MEGF6: variants seen among roughly 807,000 people sequenced by gnomAD.
The protein encoded by MEGF6 is multiple EGF like domains 6.
In MEGF6, 184 loss-of-function variants were observed where a neutral mutation model predicts 207.1. The ratio of observed to expected loss-of-function variants is 0.89; its 90% CI spans 0.79 to 1.00. MEGF6 has a LOEUF of 1.00. Ranked by LOEUF, MEGF6 falls within the 50% of genes least tolerant of loss-of-function variation. The pLI, the probability that MEGF6 is intolerant of heterozygous loss-of-function variation, is 0.00. For synonymous variants in MEGF6, 1,038 were observed against 910.0 expected (o/e 1.14, Z -2.53); for missense variants, 2,282 against 2,202.9 (o/e 1.04, Z -0.72).
Position 3,510,837 on chromosome 1 carries a change from C to G in MEGF6, c.1180G>C (p.Glu394Gln). Residue 394 changes from glutamate to glutamine, a missense_variant, in exon 10 of 37, where the codon GAG (glutamate) becomes CAG (glutamine). By Grantham distance (29) the Glu-to-Gln change is conservative (BLOSUM62 2). Transcript: ENST00000356575. Reference protein sequence around the residue: ...QVCTNNPGGYECGCYAGYRLS... With the variant: ...QVCTNNPGGYQCGCYAGYRLS... ...CGGTAGCCGGCGTAGCAGCCGCACTCGTACCCGCCAGGGTTGTTGGTGCAC... is the reference window on the plus strand; with the variant it reads ...CGGTAGCCGGCGTAGCAGCCGCACTGGTACCCGCCAGGGTTGTTGGTGCAC... The G allele has an allele frequency of 5.6e-6, 9 of 1,611,060 alleles. No homozygotes were observed. The highest frequency in any genetic ancestry group is 6.8e-6 in the Non-Finnish European group (8 of 1,178,518).
At chr1:3,505,956 A>C in intron 15 of MEGF6, 152 bp downstream of exon 15, 1 of 1,076,618 alleles carries the variant, frequency 9.3e-7, no homozygotes, top group Non-Finnish European at 1.3e-6. Flanking sequence ...GAGTCCACAG[A>C]CTCATGGCGG....
At chr1:3,527,150 T>C (rs1641994851) in intron 4 of MEGF6, among the ~76,000 whole-genome samples, 1 of 151,828 alleles carries the variant, frequency 6.6e-6, no homozygotes, top group Non-Finnish European at 1.5e-5. Flanking sequence ...CCACCCACGG[T>C]CCCTGTGAAA....
rs373862381 is a variant in MEGF6, at chr1:3,573,433, G to A, written c.481+6392C>T. ...AAAGGTAAGCACGGGAAACAGTGCG[G>A]GGAGCCTGGAACTACAGCCCAGGAC... On this transcript the variant is annotated intron_variant, in intron 4 of 36. Coordinates refer to ENST00000356575, the MANE Select transcript of MEGF6 (RefSeq NM_001409.4). The surrounding 1 kb of genome is among the most constrained non-coding windows in gnomAD (Gnocchi z 5.1). 4.6e-5 allele frequency among the ~76,000 whole-genome samples: 7 copies of A among 152,226 alleles called. No homozygotes were observed. The highest frequency in any genetic ancestry group is 1.4e-4 in the African/African-American group (6 of 41,458).
intron 21 of MEGF6, 68 bp downstream of exon 21, chr1:3,500,565 G>T: frequency 2.0e-6 from 3 of 1,485,338 alleles, no homozygotes; most frequent in Non-Finnish European, 2.7e-6. Flanking sequence ...TTGTGTGTGT[G>T]CACGTGTGCA....
At position 3,508,583 on chromosome 1, in the gene MEGF6, G is replaced by A. The variant is rs1641206663; in HGVS notation, c.1635C>T (p.Gly545=). ...LGLDGCDCPE[G]WTGLICNETC... ...TCTCATTGCAGATGAGCCCAGTCCAGCCCTCGGGGCAATCACAGCCATCCA... is the reference window on the plus strand; with the variant it reads ...TCTCATTGCAGATGAGCCCAGTCCAACCCTCGGGGCAATCACAGCCATCCA... Residue 545 remains glycine (G), a synonymous_variant, in exon 13 of 37, where the codon GGC becomes GGT. Coordinates refer to ENST00000356575, the MANE Select transcript of MEGF6 (RefSeq NM_001409.4). The A allele has an allele frequency of 1.9e-6, 3 of 1,613,452 alleles. No homozygotes were observed. The highest frequency in any genetic ancestry group is 1.7e-6 in the Non-Finnish European group (2 of 1,179,924).
At chr1:3,597,264 G>A (rs1644083339) in intron 2 of MEGF6, among the ~76,000 whole-genome samples, 2 of 152,172 alleles carry the variant, frequency 1.3e-5, no homozygotes, top group Admixed American at 1.3e-4. Context: ...CCCAGAGCAT[G>A]GGTCACATGA....
intron 4 of MEGF6, among the ~76,000 whole-genome samples, chr1:3,526,860 G>T (rs1359217451): frequency 1.3e-5 from 2 of 152,210 alleles, no homozygotes; most frequent in African/African-American, 4.8e-5. Flanking sequence ...GGGCCCTCTG[G>T]CCAGGGTGAC....
chr1:3,491,010 C>T, intron 35 of MEGF6, 51 bp from the exon 36 acceptor site: 1 of 1,523,660 alleles, frequency 6.6e-7, no homozygotes, highest in Non-Finnish European at 8.8e-7. Flanking sequence ...CTTGAGTGAG[C>T]CACAGTAATG....
intron 4 of MEGF6, among the ~76,000 whole-genome samples, chr1:3,532,462 C>T (rs1368052525): frequency 3.3e-5 from 5 of 152,238 alleles, no homozygotes; most frequent in African/African-American, 9.6e-5. Flanking sequence ...GGGACCAGCC[C>T]AGCACCACCT....
rs1643575343 is a variant in MEGF6, at chr1:3,573,864, C to T, written c.481+5961G>A. Among the ~76,000 whole-genome samples, 1 of 152,110 alleles carries T rather than the reference C, an allele frequency of 6.6e-6. No homozygotes were observed. Among genetic ancestry groups the T allele is most frequent in the Admixed American group, 6.5e-5 (1 of 15,280 alleles). On this transcript the variant is annotated intron_variant, in intron 4 of 36. Coordinates refer to ENST00000356575, the MANE Select transcript of MEGF6 (RefSeq NM_001409.4). The surrounding 1 kb of genome is among the most constrained non-coding windows in gnomAD (Gnocchi z 5.1). Reference sequence around the variant, plus strand: ...AGCATTGAAAGGCAGTGGGGAGGGCCGCTTCCTCTCCATTAATCAATGGTC... The same window carrying T: ...AGCATTGAAAGGCAGTGGGGAGGGCTGCTTCCTCTCCATTAATCAATGGTC...
At chr1:3,596,007 T>C (rs527955557) in intron 2 of MEGF6, among the ~76,000 whole-genome samples, 68 of 152,064 alleles carry the variant, frequency 4.5e-4, no homozygotes, top group Middle Eastern at 3.4e-3. Context: ...ACAGGTGCAA[T>C]GGCCACTGCC....
At chr1:3,512,390 G>A (rs139078248) in intron 7 of MEGF6, among the ~76,000 whole-genome samples, 1 of 152,364 alleles carries the variant, frequency 6.6e-6, no homozygotes, top group Non-Finnish European at 1.5e-5. Context: ...CACTTTCCTG[G>A]TGTCAGTGAG....
chr1:3,495,653 G>T (rs1042257754), intron 30 of MEGF6, among the ~76,000 whole-genome samples: 1 of 152,190 alleles, frequency 6.6e-6, no homozygotes, highest in Non-Finnish European at 1.5e-5. Flanking sequence ...AGCCTCGGGG[G>T]CTGAGTGTCG....
chr1:3,488,625 T>C lies in MEGF6; in HGVS notation c.*1903A>G, dbSNP rs1640234577. 6.6e-6 allele frequency among the ~76,000 whole-genome samples: 1 copy of C among 152,260 alleles called. No individual in the cohort carries two copies. Among genetic ancestry groups the C allele is most frequent in the African/African-American group, 2.4e-5 (1 of 41,466 alleles). ...TGGACTTTGCATGCCTTTGATAGTT[T>C]AGCTGGATGTAAAATTCAGCCTTCA... On this transcript the variant is annotated 3_prime_UTR_variant, in exon 37 of 37. Coordinates refer to ENST00000356575, the MANE Select transcript of MEGF6 (RefSeq NM_001409.4).
intron 5 of MEGF6, among the ~76,000 whole-genome samples, chr1:3,516,295 C>T (rs1268128699): frequency 6.6e-6 from 1 of 152,230 alleles, no homozygotes; most frequent in Non-Finnish European, 1.5e-5. Context: ...GGCACTGGAC[C>T]TCTGCCAAAA....
At chr1:3,598,317 G>A (rs888031398) in intron 2 of MEGF6, among the ~76,000 whole-genome samples, 4 of 152,210 alleles carry the variant, frequency 2.6e-5, no homozygotes, top group South Asian at 2.1e-4. Flanking sequence ...GTGGCCGGCC[G>A]GCGGGCGGGC....
Position 3,611,175 on chromosome 1 carries a change from C to A in MEGF6, c.94G>T (p.Val32Phe). ...AGCGGGAGCAGGGGCCGCGGCGGAACGCTGGCGCCCACGGGCACGGCGGGG... is the reference window on the plus strand; with the variant it reads ...AGCGGGAGCAGGGGCCGCGGCGGAAAGCTGGCGCCCACGGGCACGGCGGGG... ...LLPAVPVGASVPPRPLLPLQP... is the reference protein window; with the variant it reads ...LLPAVPVGASFPPRPLLPLQP... Residue 32 changes from valine (V) to phenylalanine (F), a missense_variant, in exon 1 of 37, where the codon GTT becomes TTT. Coordinates refer to ENST00000356575, the MANE Select transcript of MEGF6 (RefSeq NM_001409.4). 1 of 1,546,956 alleles carries A rather than the reference C, an allele frequency of 6.5e-7. No homozygotes were observed. The highest frequency in any genetic ancestry group is 8.6e-7 in the Non-Finnish European group (1 of 1,156,704).
chr1:3,595,704 G>A (rs547497437), intron 2 of MEGF6, among the ~76,000 whole-genome samples: 57 of 152,306 alleles, frequency 3.7e-4, no homozygotes, highest in Non-Finnish European at 3.8e-4. Flanking sequence ...CCGGGAACAC[G>A]CTACCTCACT....
chr1:3,600,984 G>A (rs568396572), intron 2 of MEGF6, among the ~76,000 whole-genome samples: 49 of 152,254 alleles, frequency 3.2e-4, no homozygotes, highest in African/African-American at 9.9e-4. Context: ...GAAGAGGCCC[G>A]GACACCCTGC....
Sources: allele counts gnomAD v4.1 joint callset (sites outside exome capture counted in the v4.1 genomes callset), GRCh38; gene constraint gnomAD v4.1.1; non-coding constraint Gnocchi (gnomAD v3.1); transcripts MANE v1.5; gene names NCBI Gene and HGNC (gene_info 2026-07-23, HGNC 2026-07-21).